FRMD4A: variants seen among roughly 807,000 people sequenced by gnomAD.
FRMD4A encodes the protein FERM domain-containing protein 4A.
In FRMD4A, 29 loss-of-function variants were observed where a neutral mutation model predicts 129.1. The observed-to-expected ratio is 0.22, with a 90% CI of 0.17 to 0.31. FRMD4A has a LOEUF of 0.31. Ranked by LOEUF, FRMD4A falls within the 10% of genes least tolerant of loss-of-function variation. The pLI, the probability that FRMD4A is intolerant of heterozygous loss-of-function variation, is 1.00. For synonymous variants in FRMD4A, 634 were observed against 571.6 expected (o/e 1.11, Z -1.56); for missense variants, 1,272 against 1,375.8 (o/e 0.92, Z 1.19).
chr10:14,266,318 G>T (rs1844977124), intron 2 of FRMD4A, among the ~76,000 whole-genome samples: 1 of 152,160 alleles, frequency 6.6e-6, no homozygotes, highest in African/African-American at 2.4e-5. Context: ...GAACAAAATA[G>T]CCCCCAATTA....
At chr10:13,893,465 ATTTGT>A (rs1234901059) in intron 2 of FRMD4A, among the ~76,000 whole-genome samples, 5 of 152,118 alleles carry the variant, frequency 3.3e-5, no homozygotes, top group Non-Finnish European at 5.9e-5. Context: ...TCTAGTCCTG[ATTTGT>A]TTTGACTGCA....
chr10:13,657,788 G>GGT, intron 21 of FRMD4A, among the ~76,000 whole-genome samples: 2 of 143,334 alleles, frequency 1.4e-5, no homozygotes, highest in South Asian at 2.2e-4. Flanking sequence ...CGATTTCTGG[G>GGT]TTTTTTTTTT....
chr10:13,964,678 T>TTC (rs952552399), intron 2 of FRMD4A, among the ~76,000 whole-genome samples: 2 of 150,194 alleles, frequency 1.3e-5, no homozygotes, highest in African/African-American at 4.9e-5. Flanking sequence ...TCTTTTGTTT[T>TTC]TTTTTTTTTT....
rs532527300 is a variant in FRMD4A, at chr10:13,959,341, G to A, written c.46-100429C>T. Among the ~76,000 whole-genome samples, 13 of 152,092 alleles carry A rather than the reference G, an allele frequency of 8.5e-5. No individual in the cohort carries two copies. The East Asian group carries it at 9.7e-4, about 11-fold the overall frequency. On this transcript the variant is annotated intron_variant, in intron 2 of 24. Transcript: ENST00000357447. ...ATAAAAATTAGCCAGGCGTGGTGGC[G>A]CGTGCCTTTGGCCCCAGCTACTTGG...
chr10:13,681,858 G>A (rs1297182599), intron 15 of FRMD4A, among the ~76,000 whole-genome samples: 1 of 152,104 alleles, frequency 6.6e-6, no homozygotes, highest in Non-Finnish European at 1.5e-5. Flanking sequence ...AAAAGAGAAC[G>A]CTTAGAAGAT....
chr10:13,839,217 G>C (rs142989355), intron 3 of FRMD4A, among the ~76,000 whole-genome samples: 50 of 151,930 alleles, frequency 3.3e-4, no homozygotes, highest in African/African-American at 1.2e-3. Flanking sequence ...TCCTGCCCAG[G>C]CTGCTCTTGA....
intron 2 of FRMD4A, among the ~76,000 whole-genome samples, chr10:14,162,643 T>G (rs1012476953): frequency 2.2e-4 from 18 of 82,518 alleles, no homozygotes; most frequent in Admixed American, 4.0e-4. Context: ...TTTTTTTTGT[T>G]TTTTTTTTTT....
intron 2 of FRMD4A, among the ~76,000 whole-genome samples, chr10:14,087,216 T>A (rs1382426230): frequency 4.7e-5 from 7 of 147,806 alleles, no homozygotes; most frequent in Admixed American, 6.8e-5. Flanking sequence ...CTTATAGGAT[T>A]ATAAATTATA....
chr10:13,964,725 G>A lies in FRMD4A; in HGVS notation c.46-105813C>T, dbSNP rs1377571414. Among the ~76,000 whole-genome samples, 19 of 148,048 alleles carry A rather than the reference G, an allele frequency of 1.3e-4. No individual in the cohort carries two copies. In the Admixed American group the frequency reaches 1.3e-3, roughly 10 times the overall value. On this transcript the variant is annotated intron_variant, in intron 2 of 24. Coordinates refer to ENST00000357447, the MANE Select transcript of FRMD4A (RefSeq NM_018027.5). ...TTTCGCTCTGTCACCAGGCTGGAGT[G>A]CAATGGCGCGATCTCAGCTCACTGC...
chr10:14,217,772 G>C (rs1843119178), intron 2 of FRMD4A, among the ~76,000 whole-genome samples: 1 of 151,974 alleles, frequency 6.6e-6, no homozygotes, highest in Non-Finnish European at 1.5e-5. Flanking sequence ...TCACGCAGGT[G>C]CTGTGTAGGC....
At chr10:13,686,327 G>C (rs2085078995) in intron 15 of FRMD4A, among the ~76,000 whole-genome samples, 1 of 152,236 alleles carries the variant, frequency 6.6e-6, no homozygotes, top group African/African-American at 2.4e-5. Flanking sequence ...ATCAGCGCAA[G>C]GCAGTGAATT....
chr10:14,089,883 T>G (rs1836558666), intron 2 of FRMD4A, among the ~76,000 whole-genome samples: 1 of 152,178 alleles, frequency 6.6e-6, no homozygotes, highest in Admixed American at 6.5e-5. Flanking sequence ...TTGAACCTCA[T>G]GGGCCCACAA....
At chr10:13,715,828 T>G (rs2088728043) in intron 12 of FRMD4A, among the ~76,000 whole-genome samples, 2 of 150,572 alleles carry the variant, frequency 1.3e-5, no homozygotes, top group South Asian at 4.2e-4. Context: ...ATTGCTTGAA[T>G]TCGGGAGGCG....
intron 2 of FRMD4A, among the ~76,000 whole-genome samples, chr10:14,080,366 C>G (rs1488215623): frequency 6.6e-6 from 1 of 152,120 alleles, no homozygotes; most frequent in Non-Finnish European, 1.5e-5. Flanking sequence ...GTTGTTTTGC[C>G]TCCTATGACA....
rs573324116 is a variant in FRMD4A at position 13,807,149 on chromosome 10, G to A, written c.206+3665C>T. On this transcript the variant is annotated intron_variant, in intron 4 of 24. Coordinates refer to ENST00000357447, the MANE Select transcript of FRMD4A (RefSeq NM_018027.5). Reference sequence around the variant, plus strand: ...TGGATTTATAACTGGCTCTTGGTTAGTTTCAGGATGTATTAAAGGGTGCCA... The same window carrying A: ...TGGATTTATAACTGGCTCTTGGTTAATTTCAGGATGTATTAAAGGGTGCCA... 3.9e-5 allele frequency among the ~76,000 whole-genome samples: 6 copies of A among 152,308 alleles called. No individual in the cohort carries two copies. In the South Asian group the frequency reaches 1.2e-3, roughly 32 times the overall value.
At chr10:13,829,143 C>T (rs2093750430) in intron 3 of FRMD4A, among the ~76,000 whole-genome samples, 1 of 152,140 alleles carries the variant, frequency 6.6e-6, no homozygotes, top group South Asian at 2.1e-4. Context: ...TAAATGATGG[C>T]CTGGATGGAT....
chr10:14,202,093 G>A (rs959976022), intron 2 of FRMD4A, among the ~76,000 whole-genome samples: 11 of 151,826 alleles, frequency 7.2e-5, no homozygotes, highest in South Asian at 2.1e-4. Context: ...AGCTGAGATC[G>A]TGCCATTGTA....
chr10:14,126,169 C>CTGTT (rs1838829088), intron 2 of FRMD4A, among the ~76,000 whole-genome samples: 2 of 122,382 alleles, frequency 1.6e-5, no homozygotes, highest in South Asian at 5.4e-4. Flanking sequence ...ACCTTGCCCA[C>CTGTT]TTTTTTTTTT....
At chr10:13,959,550 A>G (rs992561837) in intron 2 of FRMD4A, among the ~76,000 whole-genome samples, 3 of 137,954 alleles carry the variant, frequency 2.2e-5, no homozygotes, top group African/African-American at 5.5e-5. Flanking sequence ...TGACAGGTTC[A>G]TTATTCTTCA....
Sources: allele counts gnomAD v4.1 joint callset (sites outside exome capture counted in the v4.1 genomes callset), GRCh38; gene constraint gnomAD v4.1.1; transcripts MANE v1.5; gene names NCBI Gene and HGNC (gene_info 2026-07-23, HGNC 2026-07-21).